The following APOL6 variants were observed in gnomAD, a reference collection of about 807,000 sequenced individuals.
The protein encoded by APOL6 is apolipoprotein L, 6.
Under a neutral mutation model 2.4 loss-of-function variants are expected in APOL6, and 1 was observed. The observed-to-expected ratio is 0.41, with a 90% confidence interval of 0.15 to 1.94. The LOEUF is 1.94. APOL6 is among the 30% of genes most tolerant of loss of function. APOL6 has a pLI of 0.30. For synonymous variants in APOL6, 189 were observed against 169.3 expected, an observed-to-expected ratio of 1.12 and a Z score of -0.90; for missense variants, 438 against 429.2, an observed-to-expected ratio of 1.02 and a Z score of -0.18.
rs1432413676 is a variant in APOL6 at position 35,652,083 on chromosome 22, C to T, written c.-48+3460C>T. Among the ~76,000 whole-genome samples, 10 of 152,262 alleles carry T rather than the reference C, an allele frequency of 6.6e-5. No individual in the cohort carries two copies. The East Asian group carries it at 1.7e-3, about 26-fold the overall frequency. ...TGTTGTTTGCTGACTTTTTAATGAT[C>T]GCCATTCTAACTGGTGTGAGATGGT... On this transcript the variant is annotated intron_variant, in intron 1 of 2. Coordinates refer to ENST00000409652, the MANE Select transcript of APOL6 (RefSeq NM_030641.4).
Position 35,664,452 on chromosome 22 carries a change from T to TC in APOL6, c.*4858dup, listed in dbSNP as rs992797862. 6.6e-6 allele frequency: 1 copy of TC among 152,204 alleles called. No individual in the cohort carries two copies. The highest frequency in any genetic ancestry group is 2.4e-5 in the African/African-American group (1 of 41,466). 9.4% of individuals were successfully genotyped at this position (152,204 alleles called of 1,614,324 possible). A position where few individuals can be genotyped will look rare whatever the true frequency, so the allele number is the denominator to read the frequency against. ...TTTCGAAGCTGAACTTAAACTAGGT[T>TC]CCTCCCAAAGTTCATTCGGCCTATG... On this transcript the variant is annotated 3_prime_UTR_variant, in exon 3 of 3. Coordinates refer to ENST00000409652, the MANE Select transcript of APOL6 (RefSeq NM_030641.4).
intron 1 of APOL6, among the ~76,000 whole-genome samples, chr22:35,654,565 CACACACACACAT>C (rs1569133936): frequency 4.0e-5 from 6 of 150,480 alleles, no homozygotes. Flanking sequence ...TGTATATATA[CACACACACACAT>C]ACACACACAT....
At chr22:35,654,602 A>G (rs910012362) in intron 1 of APOL6, among the ~76,000 whole-genome samples, 4 of 151,804 alleles carry the variant, frequency 2.6e-5, no homozygotes, top group Admixed American at 1.3e-4. Context: ...ATACACACGT[A>G]TATGTAATTA....
intron 1 of APOL6, among the ~76,000 whole-genome samples, chr22:35,656,166 G>A (rs2145955858): frequency 1.3e-5 from 2 of 152,166 alleles, no homozygotes; most frequent in Non-Finnish European, 2.9e-5. Flanking sequence ...CCAATATAGA[G>A]GTAAAAATGT....
rs1304501990 is a variant in APOL6, at chr22:35,662,048, ATCT to A, written c.*2456_*2458del. On this transcript the variant is annotated 3_prime_UTR_variant, in exon 3 of 3. Transcript: ENST00000409652. ...TTCTCCTGTCCTGCAATATGAGTTA[ATCT>A]TCTCTGATCGATGTAGATTCCAGGA... 6.6e-6 allele frequency: 1 copy of A among 152,208 alleles called. No individual in the cohort carries two copies. The highest frequency in any genetic ancestry group is 1.9e-4 in the East Asian group (1 of 5,202). The allele number at this position is 152,208 out of a possible 1,614,324, so 9.4% of individuals were successfully genotyped here. A position where few individuals can be genotyped will look rare whatever the true frequency, so the allele number is the denominator to read the frequency against.
chr22:35,660,560 G>C lies in APOL6; in HGVS notation c.*964G>C, dbSNP rs536223547. On this transcript the variant is annotated 3_prime_UTR_variant, in exon 3 of 3. Coordinates refer to ENST00000409652, the MANE Select transcript of APOL6 (RefSeq NM_030641.4). ...ACTCGCCAAGTGTCTTAGTCTGTTT[G>C]TGCTGCTATAACAAAATACCTTAGA... is the stretch of plus-strand genomic sequence containing the variant. The C allele has an allele frequency of 2.0e-5, 3 of 152,376 alleles. No homozygotes were observed. The South Asian group carries it at 6.2e-4, about 32-fold the overall frequency. The allele number at this position is 152,376 out of a possible 1,614,324, so 9.4% of individuals were successfully genotyped here.
chr22:35,648,719 A>G (rs1253783124), intron 1 of APOL6, 96 bp downstream of exon 1: 1 of 152,278 alleles, frequency 6.6e-6, no homozygotes, highest in African/African-American at 2.4e-5. Context: ...CACCTGACTC[A>G]GGGAAAAGAG....
At chr22:35,656,072 A>G (rs1380189107) in intron 1 of APOL6, among the ~76,000 whole-genome samples, 3 of 152,130 alleles carry the variant, frequency 2.0e-5, no homozygotes, top group Non-Finnish European at 4.4e-5. Context: ...CTTTTCTTGT[A>G]CCCACTTCTT....
At chr22:35,654,582 A>T (rs1472870873) in intron 1 of APOL6, among the ~76,000 whole-genome samples, 1 of 151,460 alleles carries the variant, frequency 6.6e-6, no homozygotes, top group Non-Finnish European at 1.5e-5. Context: ...ACACATACAC[A>T]CACATATATA....
Position 35,658,626 on chromosome 22 carries a change from A to G in APOL6, c.62A>G (p.Asp21Gly). 6.2e-7 allele frequency: 1 copy of G among 1,609,866 alleles called. No individual in the cohort carries two copies. The highest frequency in any genetic ancestry group is 8.5e-7 in the Non-Finnish European group (1 of 1,177,566). ...AGVGLQRDED[D>G]APLCEDVELQ... ...TCATTTCTCCTCAGGGATGAGGATG[A>G]CGCTCCTCTGTGTGAAGACGTGGAG... Residue 21 changes from aspartate to glycine, a missense_variant, in exon 3 of 3, where the codon GAC becomes GGC. Transcript: ENST00000409652.
At chr22:35,656,317 C>T in intron 1 of APOL6, 62 bp from the exon 2 acceptor site, 4 of 1,316,906 alleles carry the variant, frequency 3.0e-6, no homozygotes, top group South Asian at 2.4e-5. Context: ...TCCCTCCACA[C>T]CTGAATTTCA....
chr22:35,656,243 A>T, intron 1 of APOL6, 136 bp from the exon 2 acceptor site: 1 of 667,342 alleles, frequency 1.5e-6, no homozygotes, highest in African/African-American at 1.8e-5. Context: ...ACAATTTTCA[A>T]ATAATAGTTT....
In APOL6 at chr22:35,658,882, C is replaced by T. The variant is rs1355130489; in HGVS notation, c.318C>T (p.Ser106=). ...TTGCCCCAGCAACAGGAGGAGGAAG[C>T]CTGCTGCTCTCCACCGCTGGTCAAG... ...LALAPATGGG[S]LLLSTAGQGL... is the part of the protein sequence containing the mutation. The change falls in exon 3 of 3, where the codon AGC becomes AGT. Residue 106 remains serine, a synonymous_variant. Coordinates refer to ENST00000409652, the MANE Select transcript of APOL6 (RefSeq NM_030641.4). 6.2e-7 allele frequency: 1 copy of T among 1,614,088 alleles called. No individual in the cohort carries two copies. The highest frequency in any genetic ancestry group is 1.1e-5 in the South Asian group (1 of 91,078).
rs1334920537 is a variant in APOL6, at chr22:35,664,780, T to C, written c.*5184T>C. On this transcript the variant is annotated 3_prime_UTR_variant, in exon 3 of 3. Transcript: ENST00000409652. ...AAATATATCTTGTAGGAAAACATTGTTGCTTAAAAAAAAGTGTGTCCTTTT... is the reference window on the plus strand; with the variant it reads ...AAATATATCTTGTAGGAAAACATTGCTGCTTAAAAAAAAGTGTGTCCTTTT... The C allele has an allele frequency of 6.6e-6, 1 of 152,012 alleles. No individual in the cohort carries two copies. Among genetic ancestry groups the C allele is most frequent in the African/African-American group, 2.4e-5 (1 of 41,430 alleles). 9.4% of individuals were successfully genotyped at this position (152,012 alleles called of 1,614,324 possible).
chr22:35,656,602 G>A lies in APOL6; in HGVS notation c.50+127G>A. On this transcript the variant is annotated intron_variant, in intron 2 of 2. Transcript: ENST00000409652. ...TTAAGTGGGCCTTATCTTACCGCTG[G>A]TCTCCATTATGCATATGAAAATCTG... is the stretch of plus-strand genomic sequence containing the variant. The A allele has an allele frequency of 3.7e-6, 4 of 1,095,854 alleles. No homozygotes were observed. The Admixed American group carries it at 5.5e-5, about 15-fold the overall frequency. The allele number at this position is 1,095,854 out of a possible 1,614,324, so 67.9% of individuals were successfully genotyped here.
intron 1 of APOL6, among the ~76,000 whole-genome samples, chr22:35,654,021 T>C (rs1229376390): frequency 2.0e-5 from 3 of 152,178 alleles, no homozygotes; most frequent in East Asian, 3.9e-4. Flanking sequence ...TTATTTACAA[T>C]GACTAGTTTA....
intron 1 of APOL6, among the ~76,000 whole-genome samples, chr22:35,654,421 G>A (rs746999551): frequency 2.0e-5 from 3 of 151,744 alleles, no homozygotes; most frequent in Admixed American, 6.6e-5. Flanking sequence ...AAAAGGGGTC[G>A]GTTATGGTTA....
Position 35,666,097 on chromosome 22 carries a change from A to C in APOL6, c.*6501A>C, listed in dbSNP as rs1367420122. ...TGTTCCAAAATTATGTGAAACTCCT[A>C]TAATTCTAATATAACTTAGTGTACA... On this transcript the variant is annotated 3_prime_UTR_variant, in exon 3 of 3. Transcript: ENST00000409652. The C allele has an allele frequency of 6.6e-6, 1 of 152,192 alleles. No individual in the cohort carries two copies. The highest frequency in any genetic ancestry group is 1.5e-5 in the Non-Finnish European group (1 of 68,038). The allele number at this position is 152,192 out of a possible 1,614,324, so 9.4% of individuals were successfully genotyped here.
At chr22:35,658,585 A>G in intron 2 of APOL6, 30 bp from the exon 3 acceptor site, 1 of 1,550,964 alleles carries the variant, frequency 6.4e-7, no homozygotes, top group Middle Eastern at 1.8e-4. Flanking sequence ...TGGGAAGCTG[A>G]AGCAAAATCT....
Sources: gnomAD v4.1 joint callset for allele counts (sites outside exome capture counted in the v4.1 genomes callset) on GRCh38, gnomAD v4.1.1 for gene constraint, MANE v1.5 for transcripts, NCBI Gene and HGNC (gene_info 2026-07-23, HGNC 2026-07-21) for gene names.